The following DNAH9 variants were observed in gnomAD, a reference collection of about 807,000 sequenced individuals.
DNAH9 encodes dynein axonemal heavy chain 9, also known as DNAH9 variant protein.
A neutral mutation model predicts 471.6 loss-of-function variants in DNAH9; 345 were observed. That is an observed-to-expected ratio of 0.73 (90% CI 0.67 to 0.80). The LOEUF (loss-of-function observed/expected upper bound fraction) is 0.80, where lower values mean the gene tolerates loss of function less well. DNAH9 is among the 30% of genes least tolerant of loss of function. The pLI is 0.00. For synonymous variants in DNAH9, 2,093 were observed against 2,123.6 expected (o/e 0.99, Z 0.40); for missense variants, 5,407 against 5,609.2 (o/e 0.96, Z 1.15).
chr17:11,695,193 G>A (rs1020743338), intron 22 of DNAH9, among the ~76,000 whole-genome samples: 3 of 151,870 alleles, frequency 2.0e-5, no homozygotes, highest in South Asian at 2.1e-4. Flanking sequence ...CGGCCACCTC[G>A]GAGCTTTCTT....
rs140152298 is a variant in DNAH9 at position 11,651,126 on chromosome 17, C to T, written c.2155C>T (p.Pro719Ser). ...TGAACCCAGAGAGATGAAACACATG[C>T]CTGAGACAGCAGCAGCCATGTTCTC... ...YLEPREMKHM[P>S]ETAAAMFSSR... Residue 719 changes from proline to serine, a missense_variant, in exon 13 of 69, where the codon CCT (proline) becomes TCT (serine). Physicochemically the swap from Pro to Ser is moderately conservative, Grantham distance 74. This residue lies in a region of DNAH9 where 4,636 missense variants were observed against 4,900.3 expected (regional missense o/e 0.95). Coordinates refer to ENST00000262442, the MANE Select transcript of DNAH9 (RefSeq NM_001372.4). The T allele has an allele frequency of 2.2e-5, 35 of 1,613,806 alleles. No homozygotes were observed. The highest frequency in any genetic ancestry group is 5.0e-5 in the Admixed American group (3 of 59,994).
In DNAH9 at chr17:11,867,270, A is replaced by G. The variant is rs141863962; in HGVS notation, c.9934-1864A>G. ...TTCTTTGGTAAATTCCCTTCTGTTT[A>G]CTGTTTACTCTTATTTTCTGGAAAG... On this transcript the variant is annotated intron_variant, in intron 50 of 68. Coordinates refer to ENST00000262442, the MANE Select transcript of DNAH9 (RefSeq NM_001372.4). Among the ~76,000 whole-genome samples the G allele has an allele frequency of 6.0e-4, 92 of 152,238 alleles. 1 individual carries two copies. Among genetic ancestry groups the G allele is most frequent in the Non-Finnish European group, 8.8e-4 (60 of 68,008 alleles).
intron 53 of DNAH9, among the ~76,000 whole-genome samples, chr17:11,879,074 T>G: frequency 6.6e-6 from 1 of 152,092 alleles, no homozygotes; most frequent in East Asian, 1.9e-4. Flanking sequence ...GGGTCATTAT[T>G]CTTTTCTATG....
At chr17:11,884,280 A>C (rs1972813411) in intron 56 of DNAH9, 1 of 210,128 alleles carries the variant, frequency 4.8e-6, no homozygotes, top group African/African-American at 2.3e-5. Flanking sequence ...TACTGTGTGT[A>C]GCTTCCTTTA....
intron 28 of DNAH9, among the ~76,000 whole-genome samples, chr17:11,731,746 T>C (rs949810011): frequency 7.2e-5 from 11 of 152,142 alleles, no homozygotes; most frequent in Non-Finnish European, 1.3e-4. Context: ...TTTTTATGGC[T>C]ACGTAGTATT....
chr17:11,679,514 TCTC>T (rs2074098818), intron 17 of DNAH9, among the ~76,000 whole-genome samples: 1 of 152,220 alleles, frequency 6.6e-6, no homozygotes, highest in Non-Finnish European at 1.5e-5. Flanking sequence ...AGATGTCGTG[TCTC>T]CTCCTGAGTC....
chr17:11,600,371 C>T (rs975038980), intron 1 of DNAH9, among the ~76,000 whole-genome samples: 1 of 152,174 alleles, frequency 6.6e-6, no homozygotes, highest in African/African-American at 2.4e-5. Flanking sequence ...TTTCAAGATA[C>T]TGAGAGCAGA....
intron 41 of DNAH9, among the ~76,000 whole-genome samples, chr17:11,790,154 A>G (rs1484479042): frequency 6.6e-6 from 1 of 151,922 alleles, no homozygotes; most frequent in Non-Finnish European, 1.5e-5. Context: ...GATATTGGGT[A>G]TAGTTTTATC....
At chr17:11,705,001 C>G in intron 25 of DNAH9, 24 bp from the exon 26 acceptor site, 1 of 1,610,876 alleles carries the variant, frequency 6.2e-7, no homozygotes, top group Non-Finnish European at 8.5e-7. Context: ...GATTCACCCA[C>G]CTACTCTACC....
In DNAH9 at chr17:11,747,558, G is replaced by A. The variant is rs147024770; in HGVS notation, c.6402G>A (p.Val2134=). 1.8e-4 allele frequency: 286 copies of A among 1,612,916 alleles called. No homozygotes were observed. Among genetic ancestry groups the A allele is most frequent in the Non-Finnish European group, 2.4e-4 (278 of 1,179,854 alleles). The change falls in exon 32 of 69, where the codon GTG becomes GTA. Residue 2134 remains valine (V), a splice_region_variant and synonymous_variant. Coordinates refer to ENST00000262442, the MANE Select transcript of DNAH9 (RefSeq NM_001372.4). The stretch of plus-strand genomic sequence containing the variant: ...GGCTGAATTTCCTGCCTCCTCAGGT[G>A]GTCCAGCTGGAGGAGCTCCTGGCTG... The part of the protein sequence containing the change: ...LQAEDNFVLK[V]VQLEELLAVR...
chr17:11,947,772 A>AATTTTTTTTTTTTTTTTTTTTTTTTTTT lies in DNAH9; in HGVS notation c.12843+5287_12843+5288insATTTTTTTTTTTTTTTTTTTTTTTTTTT, dbSNP rs1555528615. ...CAGAATCTGGGAGGGGCTGGGAACT[A>AATTTTTTTTTTTTTTTTTTTTTTTTTTT]TTTTTTTTTTTTTTTTTTTTTTTTT... On this transcript the variant is annotated intron_variant, in intron 67 of 68. Coordinates refer to ENST00000262442, the MANE Select transcript of DNAH9 (RefSeq NM_001372.4). Among the ~76,000 whole-genome samples, 3 of 108,344 alleles carry AATTTTTTTTTTTTTTTTTTTTTTTTTTT rather than the reference A, an allele frequency of 2.8e-5. 1 individual carries two copies. 71.1% of individuals were successfully genotyped at this position (108,344 alleles called of 152,430 possible). A position where few individuals can be genotyped will look rare whatever the true frequency, so the allele number is the denominator to read the frequency against.
chr17:11,794,114 G>A (rs966967888), intron 42 of DNAH9, among the ~76,000 whole-genome samples: 1 of 143,624 alleles, frequency 7.0e-6, no homozygotes, highest in Non-Finnish European at 1.5e-5. Flanking sequence ...GCGCGATCTC[G>A]GCTCACTGCA....
In DNAH9 at chr17:11,877,473, T is replaced by TAAAAA. The variant is rs550300868; in HGVS notation, c.10478+2315_10478+2319dup. Among the ~76,000 whole-genome samples, 118 of 68,618 alleles carry TAAAAA rather than the reference T, an allele frequency of 1.7e-3. 6 individuals are homozygous for TAAAAA. Among genetic ancestry groups the TAAAAA allele is most frequent in the African/African-American group, 6.6e-3 (95 of 14,494 alleles). 45.0% of individuals were successfully genotyped at this position (68,618 alleles called of 152,430 possible). ...GGGGGACAAGAACGAAAACTCTGTC[T>TAAAAA]AAAAAAAAAAAAAAAAAAAAAAAAA... On this transcript the variant is annotated intron_variant, in intron 53 of 68. Coordinates refer to ENST00000262442, the MANE Select transcript of DNAH9 (RefSeq NM_001372.4).
intron 49 of DNAH9, among the ~76,000 whole-genome samples, chr17:11,836,214 CA>C (rs934109995): frequency 1.3e-5 from 2 of 152,110 alleles, no homozygotes; most frequent in African/African-American, 4.8e-5. Flanking sequence ...GTTGAAAAGT[CA>C]AAAAAGCTAA....
rs144095378 is a variant in DNAH9, at chr17:11,680,090, A to G, written c.3576+111A>G. 1.3e-3 allele frequency: 1,070 copies of G among 824,272 alleles called. 9 individuals carry two copies. In the African/African-American group the frequency reaches 0.016, roughly 12 times the overall value. The allele number at this position is 824,272 out of a possible 1,614,324, so 51.1% of individuals were successfully genotyped here. A position where few individuals can be genotyped will look rare whatever the true frequency, so the allele number is the denominator to read the frequency against. ...GAAAAACAGGGCTTGGAGCTGCAAG[A>G]TCCGTGTTTTGGAACTATAATGTGT... On this transcript the variant is annotated intron_variant, in intron 18 of 68. Coordinates refer to ENST00000262442, the MANE Select transcript of DNAH9 (RefSeq NM_001372.4).
chr17:11,799,452 T>A (rs1187065272), intron 43 of DNAH9, among the ~76,000 whole-genome samples: 1 of 151,966 alleles, frequency 6.6e-6, no homozygotes, highest in Non-Finnish European at 1.5e-5. Context: ...TTGCAAACTC[T>A]GCCTCCTGGG....
intron 14 of DNAH9, among the ~76,000 whole-genome samples, chr17:11,660,249 A>T (rs1362045449): frequency 6.7e-6 from 1 of 149,848 alleles, no homozygotes; most frequent in East Asian, 2.0e-4. Context: ...TTACCCTTTT[A>T]GTAGTGCTTT....
intron 67 of DNAH9, 79 bp downstream of exon 67, chr17:11,942,564 G>A (rs1354285833): frequency 1.4e-6 from 2 of 1,447,556 alleles, no homozygotes; most frequent in African/African-American, 2.8e-5. Flanking sequence ...AAGGAGCACT[G>A]GGGGACCTGA....
rs1032411103 is a variant in DNAH9 at position 11,874,706 on chromosome 17, A to G, written c.10243-243A>G. On this transcript the variant is annotated intron_variant, in intron 52 of 68. Coordinates refer to ENST00000262442, the MANE Select transcript of DNAH9 (RefSeq NM_001372.4). ...GACTTAGGTAAAGATACCGAAAAAC[A>G]AAGAATCAGTCACACGAGTTGAATT... Among the ~76,000 whole-genome samples the G allele has an allele frequency of 5.3e-5, 8 of 152,276 alleles. No individual in the cohort carries two copies. The East Asian group carries it at 1.5e-3, about 29-fold the overall frequency.
Sources: gnomAD v4.1 joint callset for allele counts (sites outside exome capture counted in the v4.1 genomes callset) on GRCh38, gnomAD v4.1.1 for gene constraint, gnomAD v4.1.1 regional missense constraint, MANE v1.5 for transcripts, NCBI Gene and HGNC (gene_info 2026-07-23, HGNC 2026-07-21) for gene names.